The following RRP1 variants were observed in gnomAD, a reference collection of about 807,000 sequenced individuals.
RRP1 encodes the protein ribosomal RNA processing 1.
RRP1 carries 37 observed loss-of-function variants against 54.6 expected under a neutral mutation model. That is an observed-to-expected ratio of 0.68 (90% CI 0.52 to 0.89). RRP1 has a LOEUF of 0.89. RRP1 is among the 40% of genes least tolerant of loss of function. The probability of loss-of-function intolerance (pLI) is 0.00; values close to 1 mark genes in which losing one functional copy is unlikely to be tolerated. For missense variants in RRP1, 639 were observed against 612.5 expected (o/e 1.04, Z -0.46); for synonymous variants, 262 against 244.3 (o/e 1.07, Z -0.67).
In RRP1 at chr21:43,802,240, C is replaced by T. The variant is rs1204546685; in HGVS notation, c.1010-34C>T. On this transcript the variant is annotated intron_variant, in intron 11 of 12. Coordinates refer to ENST00000497547, the MANE Select transcript of RRP1 (RefSeq NM_003683.6). Reference sequence around the variant, plus strand: ...GCCTCAAACCATAAGTCCCCAGCCCCCGAGAGCCCCCTGACTTCTGCCCTG... The same window carrying T: ...GCCTCAAACCATAAGTCCCCAGCCCTCGAGAGCCCCCTGACTTCTGCCCTG... 9 of 1,537,840 alleles carry T rather than the reference C, an allele frequency of 5.9e-6. No homozygotes were observed. In the Admixed American group the frequency reaches 1.0e-4, roughly 17 times the overall value.
At chr21:43,793,994 C>T (rs189624533) in intron 4 of RRP1, among the ~76,000 whole-genome samples, 5 of 152,282 alleles carry the variant, frequency 3.3e-5, no homozygotes, top group African/African-American at 1.2e-4. Flanking sequence ...AGGTGGTGGT[C>T]ATTGTAACCT....
chr21:43,795,826 G>A (rs922904955), intron 5 of RRP1, among the ~76,000 whole-genome samples: 2 of 152,304 alleles, frequency 1.3e-5, no homozygotes, highest in East Asian at 3.9e-4. Context: ...TGTAAGCAAT[G>A]TTAATTGCTC....
At chr21:43,793,209 A>G in intron 3 of RRP1, 110 bp from the exon 4 acceptor site, 1 of 938,278 alleles carries the variant, frequency 1.1e-6, no homozygotes, top group Non-Finnish European at 1.7e-6. Flanking sequence ...GGGCATCAGC[A>G]TTTTTTATCT....
chr21:43,791,112 C>G, intron 1 of RRP1: 1 of 613,738 alleles, frequency 1.6e-6, no homozygotes, highest in South Asian at 1.5e-5. Flanking sequence ...TTGTAGATCT[C>G]AGTCGGTTTT....
intron 5 of RRP1, 118 bp from the exon 6 acceptor site, chr21:43,797,304 A>T: frequency 6.8e-7 from 1 of 1,473,552 alleles, no homozygotes; most frequent in Non-Finnish European, 9.0e-7. Flanking sequence ...GTTTGCAGAC[A>T]GTGGCGCCTG....
Position 43,800,633 on chromosome 21 carries a change from T to A in RRP1, c.989+19T>A. 2 of 1,600,060 alleles carry A rather than the reference T, an allele frequency of 1.2e-6. No homozygotes were observed. The highest frequency in any genetic ancestry group is 1.3e-5 in the African/African-American group (1 of 74,794). ...TCCGGAAGTGAGTGTGTGAGGGCGC[T>A]GCGTCCTCCCTGCTCCCCTTGGAGT... On this transcript the variant is annotated intron_variant, in intron 10 of 12. Coordinates refer to ENST00000497547, the MANE Select transcript of RRP1 (RefSeq NM_003683.6).
chr21:43,795,671 C>G (rs1282841088), intron 5 of RRP1, among the ~76,000 whole-genome samples: 2 of 152,188 alleles, frequency 1.3e-5, no homozygotes, highest in Non-Finnish European at 2.9e-5. Context: ...GCCTCAGCCG[C>G]CCAACTGGCT....
intron 5 of RRP1, among the ~76,000 whole-genome samples, chr21:43,795,938 G>A (rs777120579): frequency 6.6e-6 from 1 of 152,164 alleles, no homozygotes; most frequent in South Asian, 2.1e-4. Flanking sequence ...TCAAGAGATC[G>A]AGACCATCCT....
At chr21:43,791,596 G>A (rs2123406341) in intron 2 of RRP1, among the ~76,000 whole-genome samples, 164 bp downstream of exon 2, 1 of 152,002 alleles carries the variant, frequency 6.6e-6, no homozygotes, top group South Asian at 2.1e-4. Flanking sequence ...TCAGCCTTCT[G>A]GTTTCAAGCA....
At chr21:43,799,458 G>T (rs556750015) in intron 8 of RRP1, 112 bp from the exon 9 acceptor site, 2 of 1,132,960 alleles carry the variant, frequency 1.8e-6, no homozygotes, top group Non-Finnish European at 1.3e-6. Flanking sequence ...GGTGTTTCCC[G>T]CCTGTGCCCG....
At chr21:43,802,409 G>A (rs2085104041) in intron 12 of RRP1, 22 bp downstream of exon 12, 1 of 1,597,970 alleles carries the variant, frequency 6.3e-7, no homozygotes, top group East Asian at 2.2e-5. Flanking sequence ...GGGTGTGTTA[G>A]TCATGGAGCC....
intron 12 of RRP1, 39 bp from the exon 13 acceptor site, chr21:43,803,473 T>G: frequency 6.6e-7 from 1 of 1,510,364 alleles, no homozygotes; most frequent in Non-Finnish European, 8.9e-7. Context: ...GAGCCCGTGT[T>G]GGCATTCTCT....
In RRP1 at chr21:43,804,023, G is replaced by A. The variant is rs1271564352; in HGVS notation, c.*249G>A. ...GCCAGAAGGTCAAACTCCGAAGACT[G>A]AAACTCTGCCTGCAGCAGGACTGGC... On this transcript the variant is annotated 3_prime_UTR_variant, in exon 13 of 13. Coordinates refer to ENST00000497547, the MANE Select transcript of RRP1 (RefSeq NM_003683.6). This position sits in a 1 kb window ranked among gnomAD's most constrained non-coding sequence, Gnocchi z 4.3. The A allele has an allele frequency of 2.1e-6, 1 of 486,338 alleles. No homozygotes were observed. The highest frequency in any genetic ancestry group is 4.0e-5 in the Admixed American group (1 of 24,858). The allele number at this position is 486,338 out of a possible 1,614,324, so 30.1% of individuals were successfully genotyped here. A position where few individuals can be genotyped will look rare whatever the true frequency, so the allele number is the denominator to read the frequency against.
At position 43,803,777 on chromosome 21, in the gene RRP1, T is replaced by C. The variant is rs1373445535; in HGVS notation, c.*3T>C. Reference sequence around the variant, plus strand: ...AGAAGAAGAAACGCAGGGAGTGATGTGGCCGGGCCAAGGACAGGCAGGGAG... The same window carrying C: ...AGAAGAAGAAACGCAGGGAGTGATGCGGCCGGGCCAAGGACAGGCAGGGAG... On this transcript the variant is annotated 3_prime_UTR_variant, in exon 13 of 13. Transcript: ENST00000497547. The C allele has an allele frequency of 1.3e-6, 2 of 1,573,028 alleles. No individual in the cohort carries two copies. Among genetic ancestry groups the C allele is most frequent in the Admixed American group, 3.6e-5 (2 of 56,080 alleles).
Position 43,800,844 on chromosome 21 carries a change from T to A in RRP1, c.990-18T>A. ...AAGCCGCAGCTGTGGTAAGTGGGTATCTGTCTTACTCTTTCAGGCTGCAGG... is the reference window on the plus strand; with the variant it reads ...AAGCCGCAGCTGTGGTAAGTGGGTAACTGTCTTACTCTTTCAGGCTGCAGG... On this transcript the variant is annotated intron_variant, in intron 10 of 12. Transcript: ENST00000497547. 6.2e-7 allele frequency: 1 copy of A among 1,613,524 alleles called. No individual in the cohort carries two copies. The highest frequency in any genetic ancestry group is 8.5e-7 in the Non-Finnish European group (1 of 1,180,020).
chr21:43,796,911 G>C (rs1277135029), intron 5 of RRP1, among the ~76,000 whole-genome samples: 1 of 152,230 alleles, frequency 6.6e-6, no homozygotes, highest in African/African-American at 2.4e-5. Flanking sequence ...GGACGTCACA[G>C]TTGGAATGCG....
rs765070308 is a variant in RRP1, at chr21:43,789,620, C to A, written c.-10C>A. 5 of 1,586,408 alleles carry A rather than the reference C, an allele frequency of 3.2e-6. No homozygotes were observed. In the South Asian group the frequency reaches 4.6e-5, roughly 14 times the overall value. ...CGACTCCGGGACAGGGGGTCTCGGC[C>A]GTCGGCGTCATGGTTTCGCGCGTGC... On this transcript the variant is annotated 5_prime_UTR_variant, in exon 1 of 13. Transcript: ENST00000497547.
chr21:43,797,976 T>G lies in RRP1; in HGVS notation c.687T>G (p.Ile229Met). 6.2e-7 allele frequency: 1 copy of G among 1,614,150 alleles called. No individual in the cohort carries two copies. Among genetic ancestry groups the G allele is most frequent in the East Asian group, 2.2e-5 (1 of 44,880 alleles). The change falls in exon 8 of 13, where the codon ATT (isoleucine) becomes ATG (methionine). Residue 229 changes from isoleucine to methionine, a missense_variant. Coordinates refer to ENST00000497547, the MANE Select transcript of RRP1 (RefSeq NM_003683.6). ...TTGTGGAGCAGGCCCCGCTTGCCAT[T>G]GAAGACCTCCTGAATGAACTGGACA... is the stretch of plus-strand genomic sequence containing the variant. The part of the protein sequence containing the change: ...ETIVEQAPLA[I>M]EDLLNELDTQ...
chr21:43,795,147 G>A, intron 4 of RRP1, 42 bp from the exon 5 acceptor site: 1 of 1,590,056 alleles, frequency 6.3e-7, no homozygotes, highest in Non-Finnish European at 8.6e-7. Context: ...TGGCGAAGTA[G>A]GGCTGGGCTT....
Sources: gnomAD v4.1 joint callset for allele counts (sites outside exome capture counted in the v4.1 genomes callset) on GRCh38, gnomAD v4.1.1 for gene constraint, Gnocchi (gnomAD v3.1) non-coding constraint, MANE v1.5 for transcripts, NCBI Gene and HGNC (gene_info 2026-07-23, HGNC 2026-07-21) for gene names.